Variants in HCN1 observed in about 807,000 individuals in gnomAD.
HCN1 encodes hyperpolarization activated cyclic nucleotide gated potassium channel 1.
In HCN1, 13 loss-of-function variants were observed where a neutral mutation model predicts 78.9. That is an observed-to-expected ratio of 0.16 (90% CI 0.11 to 0.26). The LOEUF is 0.26. Among genes scored for constraint, HCN1 ranks in the 10% least tolerant of loss-of-function variants. The pLI is 1.00. For synonymous variants in HCN1, 552 were observed against 455.5 expected (o/e 1.21, Z -2.70); for missense variants, 810 against 1,154.3 (o/e 0.70, Z 4.32).
intron 2 of HCN1, among the ~76,000 whole-genome samples, chr5:45,578,590 T>C (rs1743994116): frequency 6.6e-6 from 1 of 152,044 alleles, no homozygotes; most frequent in South Asian, 2.1e-4. Context: ...TCCTGAATCA[T>C]CATAGCTCAA....
At chr5:45,357,553 TA>T (rs1363398191) in intron 4 of HCN1, among the ~76,000 whole-genome samples, 2 of 152,128 alleles carry the variant, frequency 1.3e-5, no homozygotes, top group South Asian at 2.1e-4. Context: ...ATTTTTAGTT[TA>T]AAAATATACT....
intron 2 of HCN1, among the ~76,000 whole-genome samples, chr5:45,532,050 T>C (rs759275256): frequency 1.2e-4 from 18 of 152,104 alleles, no homozygotes; most frequent in South Asian, 2.1e-4. Flanking sequence ...AAAATAAAAA[T>C]AAACCAACCA....
At chr5:45,550,737 T>A (rs1484838103) in intron 2 of HCN1, among the ~76,000 whole-genome samples, 2 of 152,078 alleles carry the variant, frequency 1.3e-5, no homozygotes, top group Admixed American at 1.3e-4. Context: ...CTTACCTAAA[T>A]GTTAGCTTAA....
At chr5:45,635,815 C>G (rs1322967956) in intron 2 of HCN1, among the ~76,000 whole-genome samples, 6 of 152,130 alleles carry the variant, frequency 3.9e-5, no homozygotes, top group Non-Finnish European at 1.5e-5. Context: ...TTTCATAATA[C>G]AGTTACAGTG....
intron 5 of HCN1, among the ~76,000 whole-genome samples, chr5:45,306,672 T>A (rs1042740116): frequency 1.3e-5 from 2 of 152,070 alleles, no homozygotes; most frequent in African/African-American, 2.4e-5. Flanking sequence ...AGCAAAACTT[T>A]AAAAAAATAT....
At position 45,353,111 on chromosome 5, in the gene HCN1, G is replaced by T; in HGVS notation, c.1366C>A (p.Pro456Thr). The change falls in exon 5 of 8, where the codon CCT becomes ACT. Residue 456 changes from proline (P) to threonine (T), a missense_variant. Transcript: ENST00000303230. ...ACAATAAATCTTACCTCTCTCAGAG[G>T]ATCATTGAGTTCATTGAGAATATTT... ...EENILNELND[P>T]LREEIVNFNC... is the part of the protein sequence containing the mutation. The T allele has an allele frequency of 6.2e-7, 1 of 1,610,350 alleles. No individual in the cohort carries two copies. The highest frequency in any genetic ancestry group is 8.5e-7 in the Non-Finnish European group (1 of 1,177,706).
At position 45,430,633 on chromosome 5, in the gene HCN1, G is replaced by C. The variant is rs1039227403; in HGVS notation, c.1011+31213C>G. ...GAACATGATATTGTTCTTTTTTATG[G>C]ATGTGTAGTATCCCATGGTGTTTAT... is the stretch of plus-strand genomic sequence containing the variant. On this transcript the variant is annotated intron_variant, in intron 3 of 7. Transcript: ENST00000303230. Among the ~76,000 whole-genome samples, 10 of 152,040 alleles carry C rather than the reference G, an allele frequency of 6.6e-5. No individual in the cohort carries two copies. In the South Asian group the frequency reaches 2.1e-3, roughly 32 times the overall value.
At chr5:45,507,257 TTTTCCTTCCC>T (rs1483275908) in intron 2 of HCN1, among the ~76,000 whole-genome samples, 1 of 152,188 alleles carries the variant, frequency 6.6e-6, no homozygotes, top group African/African-American at 2.4e-5. Context: ...GTCTCTGCCC[TTTTCCTTCCC>T]TTTCCATCTT....
chr5:45,675,218 A>G (rs150948226), intron 1 of HCN1, among the ~76,000 whole-genome samples: 37 of 151,842 alleles, frequency 2.4e-4, no homozygotes, highest in Middle Eastern at 3.4e-3. Context: ...TTGGCCCCCA[A>G]TTCAGATGTG....
intron 3 of HCN1, among the ~76,000 whole-genome samples, chr5:45,436,435 T>C (rs1479964961): frequency 6.6e-6 from 1 of 152,204 alleles, no homozygotes; most frequent in East Asian, 1.9e-4. Flanking sequence ...TATGGGAGGC[T>C]AATTCAATCC....
intron 1 of HCN1, among the ~76,000 whole-genome samples, chr5:45,675,101 T>G (rs904605254): frequency 5.9e-5 from 9 of 151,662 alleles, no homozygotes; most frequent in African/African-American, 2.2e-4. Flanking sequence ...GGAACCAGTG[T>G]TCTCACTACT....
intron 2 of HCN1, among the ~76,000 whole-genome samples, chr5:45,464,778 G>A (rs773354670): frequency 5.3e-5 from 8 of 151,458 alleles, no homozygotes; most frequent in Non-Finnish European, 5.9e-5. Context: ...CATTACATAC[G>A]ATCTGAATAC....
At chr5:45,544,711 T>C (rs140056871) in intron 2 of HCN1, among the ~76,000 whole-genome samples, 2,515 of 151,662 alleles carry the variant, frequency 0.017, 65 homozygotes, top group African/African-American at 0.057. Flanking sequence ...TTTGGTTTTC[T>C]GTCCTTGCGA....
At chr5:45,298,509 G>C (rs6864928) in intron 6 of HCN1, among the ~76,000 whole-genome samples, 49,347 of 151,852 alleles carry the variant, frequency 0.32, 10,375 homozygotes, top group African/African-American at 0.59. Context: ...CAAAGGGACA[G>C]AGGGGCTAAT....
chr5:45,424,169 T>C (rs1740290863), intron 3 of HCN1, among the ~76,000 whole-genome samples: 1 of 149,218 alleles, frequency 6.7e-6, no homozygotes, highest in South Asian at 2.1e-4. Flanking sequence ...GGCGGGCACC[T>C]GTAGTCCCAG....
Position 45,255,383 on chromosome 5 carries a change from A to T in HCN1, c.*6538T>A, listed in dbSNP as rs902635416. The T allele has an allele frequency of 5.3e-5, 8 of 152,230 alleles. No homozygotes were observed. Among genetic ancestry groups the T allele is most frequent in the Admixed American group, 3.9e-4 (6 of 15,296 alleles). 9.4% of individuals were successfully genotyped at this position (152,230 alleles called of 1,614,324 possible). On this transcript the variant is annotated 3_prime_UTR_variant, in exon 8 of 8. Coordinates refer to ENST00000303230, the MANE Select transcript of HCN1 (RefSeq NM_021072.4). ...CCTCCTCTAGGACTTACTAGTTCCAATTTTTTCAATATTAATACACATATG... is the reference window on the plus strand; with the variant it reads ...CCTCCTCTAGGACTTACTAGTTCCATTTTTTTCAATATTAATACACATATG...
intron 3 of HCN1, among the ~76,000 whole-genome samples, chr5:45,414,380 CCT>C (rs1467574781): frequency 6.6e-6 from 1 of 151,986 alleles, no homozygotes; most frequent in Non-Finnish European, 1.5e-5. Context: ...AAAAAAGAGG[CCT>C]CTCTCTTGAC....
chr5:45,594,901 T>G (rs1189818925), intron 2 of HCN1, among the ~76,000 whole-genome samples: 6 of 152,192 alleles, frequency 3.9e-5, no homozygotes, highest in Non-Finnish European at 8.8e-5. Flanking sequence ...CAAGGAAAGT[T>G]ACTTGGAAAT....
chr5:45,420,215 T>C (rs1740199580), intron 3 of HCN1, among the ~76,000 whole-genome samples: 1 of 152,220 alleles, frequency 6.6e-6, no homozygotes, highest in African/African-American at 2.4e-5. Context: ...ACAGTTGGTA[T>C]CTGTTTTTTT....
Sources: allele counts gnomAD v4.1 joint callset (sites outside exome capture counted in the v4.1 genomes callset), GRCh38; gene constraint gnomAD v4.1.1; transcripts MANE v1.5; gene names NCBI Gene and HGNC (gene_info 2026-07-23, HGNC 2026-07-21).